CDKAL1: variants seen among roughly 807,000 people sequenced by gnomAD.
CDKAL1 encodes the protein CDKAL1 threonylcarbamoyladenosine tRNA methylthiotransferase, also known as threonylcarbamoyladenosine tRNA methylthiotransferase.
CDKAL1 carries 32 observed loss-of-function variants against 68.2 expected under a neutral mutation model. The ratio of observed to expected loss-of-function variants is 0.47; its 90% confidence interval spans 0.35 to 0.63. The LOEUF (loss-of-function observed/expected upper bound fraction) is 0.63, where lower values mean the gene tolerates loss of function less well. Ranked by LOEUF, CDKAL1 falls within the 30% of genes least tolerant of loss-of-function variation. CDKAL1 has a pLI of 0.00. For synonymous variants in CDKAL1, 234 were observed against 244.3 expected, an observed-to-expected ratio of 0.96 and a Z score of 0.39; for missense variants, 606 against 696.7, an observed-to-expected ratio of 0.87 and a Z score of 1.47.
At chr6:20,569,159 T>G (rs1764599489) in intron 4 of CDKAL1, among the ~76,000 whole-genome samples, 1 of 152,242 alleles carries the variant, frequency 6.6e-6, no homozygotes, top group South Asian at 2.1e-4. Flanking sequence ...CGTTGAATGA[T>G]TTGTTACCAC....
chr6:21,185,863 A>G (rs561811373), intron 13 of CDKAL1, among the ~76,000 whole-genome samples: 2 of 152,320 alleles, frequency 1.3e-5, no homozygotes, highest in East Asian at 3.9e-4. Context: ...TCAATATTAT[A>G]TTCCTATAAA....
At chr6:20,552,855 CAGATTTTATATTTAA>C (rs1481617125) in intron 4 of CDKAL1, among the ~76,000 whole-genome samples, 1 of 152,022 alleles carries the variant, frequency 6.6e-6, no homozygotes, top group African/African-American at 2.4e-5. Flanking sequence ...TAAATCTCTA[CAGATTTTATATTTAA>C]AGATTTGATA....
At chr6:20,775,070 A>G (rs1775113153) in intron 7 of CDKAL1, among the ~76,000 whole-genome samples, 1 of 152,166 alleles carries the variant, frequency 6.6e-6, no homozygotes, top group African/African-American at 2.4e-5. Flanking sequence ...GAAATATAAC[A>G]TTTTTGAGTA....
At chr6:21,204,670 T>C (rs1435440050) in intron 15 of CDKAL1, among the ~76,000 whole-genome samples, 1 of 152,216 alleles carries the variant, frequency 6.6e-6, no homozygotes, top group Non-Finnish European at 1.5e-5. Context: ...ATAAGGAATC[T>C]GAGCATCCAT....
At chr6:21,015,657 T>C (rs1582032598) in intron 11 of CDKAL1, among the ~76,000 whole-genome samples, 1 of 152,174 alleles carries the variant, frequency 6.6e-6, no homozygotes, top group Non-Finnish European at 1.5e-5. Context: ...CCGGGTGCGG[T>C]GGCTCACACC....
chr6:21,085,524 G>A (rs748942278), intron 12 of CDKAL1, among the ~76,000 whole-genome samples: 3 of 152,124 alleles, frequency 2.0e-5, no homozygotes, highest in African/African-American at 7.2e-5. Context: ...TGAGTGGGAT[G>A]GTCGAGGTCA....
intron 13 of CDKAL1, among the ~76,000 whole-genome samples, chr6:21,170,340 G>T (rs377295430): frequency 2.0e-5 from 3 of 152,172 alleles, no homozygotes; most frequent in Admixed American, 6.5e-5. Context: ...TGGTTGGTTT[G>T]TTGGTTTGTT....
Position 21,093,694 on chromosome 6 carries a change from CTTTTTTTTTTTTTTTTTTTTTTTT to C in CDKAL1, c.1237-14690_1237-14667del, listed in dbSNP as rs547923386. On this transcript the variant is annotated intron_variant, in intron 12 of 15. Coordinates refer to ENST00000274695, the MANE Select transcript of CDKAL1 (RefSeq NM_017774.3). ...ATAACCAACTGAGCTGCTGCTGCTG[CTTTTTTTTTTTTTTTTTTTTTTTT>C]TTTTTTTTTTTTTTTTGGAGACAGG... Among the ~76,000 whole-genome samples the C allele has an allele frequency of 3.0e-4, 26 of 88,096 alleles. 1 individual carries two copies. Among genetic ancestry groups the C allele is most frequent in the Admixed American group, 5.2e-4 (4 of 7,764 alleles). 57.8% of individuals were successfully genotyped at this position (88,096 alleles called of 152,430 possible).
intron 9 of CDKAL1, among the ~76,000 whole-genome samples, chr6:20,939,408 A>C (rs1333256221): frequency 6.6e-6 from 1 of 152,238 alleles, no homozygotes; most frequent in Non-Finnish European, 1.5e-5. Flanking sequence ...GGGGAGTTAG[A>C]GAATACAGAA....
chr6:20,836,933 A>G (rs1327856263), intron 8 of CDKAL1, among the ~76,000 whole-genome samples: 1 of 152,138 alleles, frequency 6.6e-6, no homozygotes, highest in African/African-American at 2.4e-5. Flanking sequence ...ACTGTGTGCT[A>G]AGGCCCTACC....
intron 12 of CDKAL1, among the ~76,000 whole-genome samples, chr6:21,070,399 C>CTTTTTTTTTTTTTTTTTTTTTTTTTT: frequency 7.2e-6 from 1 of 139,336 alleles, no homozygotes; most frequent in Non-Finnish European, 1.5e-5. Context: ...TTGTTTCTCT[C>CTTTTTTTTTTTTTTTTTTTTTTTTTT]TTTTTTTTTT....
At chr6:21,196,208 A>G (rs373773950) in intron 13 of CDKAL1, among the ~76,000 whole-genome samples, 3 of 152,314 alleles carry the variant, frequency 2.0e-5, no homozygotes, top group South Asian at 2.1e-4. Context: ...TGAAAACTTG[A>G]TGTTAAATGA....
chr6:20,968,623 C>T (rs1765445623), intron 10 of CDKAL1, among the ~76,000 whole-genome samples: 1 of 151,968 alleles, frequency 6.6e-6, no homozygotes, highest in Non-Finnish European at 1.5e-5. Context: ...CCCATCAAGT[C>T]ATCTGAATTG....
intron 10 of CDKAL1, among the ~76,000 whole-genome samples, chr6:20,975,222 C>T (rs186079071): frequency 1.6e-3 from 240 of 152,234 alleles, no homozygotes; most frequent in Non-Finnish European, 2.7e-3. Flanking sequence ...TAATCTCTGC[C>T]GTCTCCAGGT....
At chr6:21,056,576 G>A (rs1179870211) in intron 11 of CDKAL1, among the ~76,000 whole-genome samples, 2 of 152,102 alleles carry the variant, frequency 1.3e-5, no homozygotes, top group Admixed American at 6.5e-5. Context: ...CAGGAGTAGC[G>A]AGAGAGGGCA....
chr6:20,855,486 T>G (rs80193294), intron 9 of CDKAL1, among the ~76,000 whole-genome samples: 1,814 of 145,692 alleles, frequency 0.012, 20 homozygotes, highest in Middle Eastern at 0.026. Context: ...CTTGCAGACA[T>G]GTCTTGAAAA....
chr6:20,878,839 G>C (rs978595759), intron 9 of CDKAL1, among the ~76,000 whole-genome samples: 1 of 151,838 alleles, frequency 6.6e-6, no homozygotes, highest in Non-Finnish European at 1.5e-5. Context: ...AGCACTTTGC[G>C]AGGCCAACGT....
chr6:21,158,792 T>G (rs1205433635), intron 13 of CDKAL1, among the ~76,000 whole-genome samples: 1 of 152,254 alleles, frequency 6.6e-6, no homozygotes, highest in African/African-American at 2.4e-5. Flanking sequence ...ATAAATAGTT[T>G]ATCTTTTAAA....
chr6:21,084,234 T>C (rs375589642), intron 12 of CDKAL1, among the ~76,000 whole-genome samples: 3 of 152,198 alleles, frequency 2.0e-5, no homozygotes, highest in East Asian at 1.9e-4. Context: ...TCTAAATCTT[T>C]GGGTTATTTC....
Sources: allele counts gnomAD v4.1 joint callset (sites outside exome capture counted in the v4.1 genomes callset), GRCh38; gene constraint gnomAD v4.1.1; transcripts MANE v1.5; gene names NCBI Gene and HGNC (gene_info 2026-07-23, HGNC 2026-07-21).